Variants in CACNA1E observed in about 807,000 individuals in gnomAD.
CACNA1E encodes voltage-dependent R-type calcium channel subunit alpha-1E.
CACNA1E carries 40 observed loss-of-function variants against 259.2 expected under a neutral mutation model. That is an observed-to-expected ratio of 0.15 (90% CI 0.12 to 0.20). The LOEUF is 0.20. CACNA1E is among the 10% of genes least tolerant of loss of function. The pLI, the probability that CACNA1E is intolerant of heterozygous loss-of-function variation, is 1.00. For synonymous variants in CACNA1E, 1,104 were observed against 1,138.5 expected (o/e 0.97, Z 0.61); for missense variants, 1,874 against 3,040.1 (o/e 0.62, Z 9.02).
chr1:181,581,863 C>T (rs892435379), intron 6 of CACNA1E, among the ~76,000 whole-genome samples: 2 of 152,116 alleles, frequency 1.3e-5, no homozygotes, highest in African/African-American at 4.8e-5. Context: ...CTTAAGGTGC[C>T]GTCTGTTTCC....
intron 2 of CACNA1E, among the ~76,000 whole-genome samples, chr1:181,438,723 C>T (rs1040237648): frequency 5.3e-5 from 8 of 152,132 alleles, no homozygotes; most frequent in Non-Finnish European, 7.3e-5. Flanking sequence ...AATTTGCACG[C>T]GTACACTGGT....
intron 2 of CACNA1E, among the ~76,000 whole-genome samples, chr1:181,472,528 T>C (rs1350297089): frequency 6.6e-6 from 1 of 151,478 alleles, no homozygotes; most frequent in Non-Finnish European, 1.5e-5. Flanking sequence ...AAAAAGGAAG[T>C]TGTCTTTTGA....
chr1:181,628,471 T>G (rs1656405351), intron 6 of CACNA1E, among the ~76,000 whole-genome samples: 1 of 152,218 alleles, frequency 6.6e-6, no homozygotes, highest in South Asian at 2.1e-4. Flanking sequence ...GCTTGAAGTG[T>G]GAATGCTATC....
At chr1:181,544,640 G>A (rs544172967) in intron 3 of CACNA1E, among the ~76,000 whole-genome samples, 11 of 152,258 alleles carry the variant, frequency 7.2e-5, no homozygotes, top group African/African-American at 2.6e-4. Flanking sequence ...GATGTAGCTG[G>A]CGTTTTAGCA....
At chr1:181,341,830 C>T (rs1396603773) in intron 1 of CACNA1E, among the ~76,000 whole-genome samples, 76 of 152,214 alleles carry the variant, frequency 5.0e-4, no homozygotes. Flanking sequence ...TCCATCCATC[C>T]ATTCATTCAA....
intron 2 of CACNA1E, among the ~76,000 whole-genome samples, chr1:181,476,456 G>A (rs1232792581): frequency 6.6e-6 from 1 of 152,146 alleles, no homozygotes; most frequent in Non-Finnish European, 1.5e-5. Flanking sequence ...CTTTCTCTGG[G>A]CCTTCAGGGC....
intron 3 of CACNA1E, among the ~76,000 whole-genome samples, chr1:181,527,657 C>T (rs899629817): frequency 1.3e-5 from 2 of 152,092 alleles, no homozygotes; most frequent in African/African-American, 2.4e-5. Flanking sequence ...TTTTTGAATT[C>T]TCATTCCAGT....
At chr1:181,446,078 A>G (rs547959318) in intron 2 of CACNA1E, among the ~76,000 whole-genome samples, 1 of 152,236 alleles carries the variant, frequency 6.6e-6, no homozygotes, top group East Asian at 1.9e-4. Context: ...TCATTTTTCT[A>G]GGCTGGCTTC....
At chr1:181,649,289 G>A (rs966139958) in intron 6 of CACNA1E, among the ~76,000 whole-genome samples, 8 of 152,092 alleles carry the variant, frequency 5.3e-5, no homozygotes, top group Admixed American at 1.3e-4. Context: ...CCCTGCATCT[G>A]TCCCTTCCCA....
intron 2 of CACNA1E, among the ~76,000 whole-genome samples, chr1:181,469,531 G>C (rs529624482): frequency 6.6e-6 from 1 of 152,304 alleles, no homozygotes; most frequent in East Asian, 1.9e-4. Context: ...GGTGAATATA[G>C]TACCAGACAA....
chr1:181,326,170 G>A (rs890792609), intron 1 of CACNA1E, among the ~76,000 whole-genome samples: 2 of 152,170 alleles, frequency 1.3e-5, no homozygotes, highest in Non-Finnish European at 2.9e-5. Flanking sequence ...TGTATGTACA[G>A]CTTTTTGAGG....
chr1:181,462,707 T>G lies in CACNA1E; in HGVS notation c.435-21037T>G, dbSNP rs145358337. Among the ~76,000 whole-genome samples, 65 of 152,364 alleles carry G rather than the reference T, an allele frequency of 4.3e-4. 1 individual carries two copies. In the East Asian group the frequency reaches 0.012, roughly 28 times the overall value. ...TGTAATTTTACTACATGTGCATTTA[T>G]GAAAAAGCATGTATATGAATTTTTT... On this transcript the variant is annotated intron_variant, in intron 2 of 11. Coordinates refer to the CACNA1E transcript ENST00000524607.
intron 2 of CACNA1E, among the ~76,000 whole-genome samples, chr1:181,415,599 AG>A (rs997894935): frequency 1.3e-5 from 2 of 152,170 alleles, no homozygotes; most frequent in African/African-American, 4.8e-5. Flanking sequence ...TGTTGCTGAG[AG>A]GTCAAATAAA....
chr1:181,610,430 C>T (rs1392847631), intron 6 of CACNA1E, among the ~76,000 whole-genome samples: 1 of 152,208 alleles, frequency 6.6e-6, no homozygotes. Context: ...TTGTCTGCAG[C>T]ACTTTCTACT....
intron 3 of CACNA1E, among the ~76,000 whole-genome samples, chr1:181,515,818 T>A (rs139341521): frequency 6.6e-6 from 1 of 152,360 alleles, no homozygotes; most frequent in African/African-American, 2.4e-5. Flanking sequence ...CTCATCTCTA[T>A]ATGCCCAGTG....
intron 2 of CACNA1E, among the ~76,000 whole-genome samples, chr1:181,429,747 C>T (rs1313885780): frequency 6.6e-6 from 1 of 152,206 alleles, no homozygotes; most frequent in Non-Finnish European, 1.5e-5. Context: ...TGCCCAATGA[C>T]CCTGCCTTTC....
At chr1:181,486,054 CTT>C (rs1046699069) in intron 1 of CACNA1E, among the ~76,000 whole-genome samples, 2 of 152,262 alleles carry the variant, frequency 1.3e-5, no homozygotes, top group African/African-American at 4.8e-5. Context: ...ACGTGGTCAC[CTT>C]TTTTCACGTT....
At chr1:181,587,853 G>A (rs1324542628) in intron 6 of CACNA1E, among the ~76,000 whole-genome samples, 1 of 152,168 alleles carries the variant, frequency 6.6e-6, no homozygotes, top group African/African-American at 2.4e-5. Context: ...ACTGCAGTCC[G>A]GCCTGGGTGA....
chr1:181,497,521 T>C (rs1664864878), intron 1 of CACNA1E, among the ~76,000 whole-genome samples: 1 of 152,230 alleles, frequency 6.6e-6, no homozygotes, highest in Non-Finnish European at 1.5e-5. Context: ...TGGAGGAAAC[T>C]AACCTTTAAT....
Sources: allele counts gnomAD v4.1 joint callset (sites outside exome capture counted in the v4.1 genomes callset), GRCh38; gene constraint gnomAD v4.1.1; transcripts MANE v1.5; gene names NCBI Gene and HGNC (gene_info 2026-07-23, HGNC 2026-07-21).